ANO3: variants seen among roughly 807,000 people sequenced by gnomAD.
ANO3 encodes anoctamin 3.
ANO3 carries 99 observed loss-of-function variants against 144.8 expected under a neutral mutation model. The observed-to-expected ratio is 0.68, with a 90% CI of 0.58 to 0.81. The LOEUF is 0.81. ANO3 is among the 30% of genes least tolerant of loss of function. ANO3 has a pLI of 0.00. For missense variants in ANO3, 905 were observed against 1,202.2 expected, an observed-to-expected ratio of 0.75 and a Z score of 3.66; for synonymous variants, 414 against 392.6, an observed-to-expected ratio of 1.05 and a Z score of -0.64.
intron 4 of ANO3, among the ~76,000 whole-genome samples, chr11:26,476,932 T>TGTGTGTGAGA (rs1334120290): frequency 1.5e-5 from 2 of 133,958 alleles, no homozygotes; most frequent in African/African-American, 2.9e-5. Context: ...TGTGTGTGTG[T>TGTGTGTGAGA]GAGAGAGAGA....
intron 1 of ANO3, among the ~76,000 whole-genome samples, chr11:26,216,316 C>T (rs773440357): frequency 6.6e-6 from 1 of 151,830 alleles, no homozygotes; most frequent in Non-Finnish European, 1.5e-5. Flanking sequence ...ATTAATTAAC[C>T]TCCCTCCTCC....
chr11:26,264,844 C>T (rs111772011), intron 1 of ANO3, among the ~76,000 whole-genome samples: 1,909 of 151,866 alleles, frequency 0.013, 37 homozygotes, highest in African/African-American at 0.044. Flanking sequence ...TGACTTTATT[C>T]CATGTAATTA....
chr11:26,599,012 A>G lies in ANO3; in HGVS notation c.1671+14A>G. 1 of 1,610,282 alleles carries G rather than the reference A, an allele frequency of 6.2e-7. No individual in the cohort carries two copies. Among genetic ancestry groups the G allele is most frequent in the South Asian group, 1.1e-5 (1 of 89,956 alleles). Reference sequence around the variant, plus strand: ...ATATTCTTCATGGTAAAGTATAGGCATCGATATCAAAATGTTTTGGGATTC... The same window carrying G: ...ATATTCTTCATGGTAAAGTATAGGCGTCGATATCAAAATGTTTTGGGATTC... On this transcript the variant is annotated intron_variant, in intron 16 of 26. Transcript: ENST00000256737.
intron 17 of ANO3, among the ~76,000 whole-genome samples, chr11:26,609,664 A>T (rs761633137): frequency 2.6e-5 from 4 of 151,934 alleles, no homozygotes; most frequent in African/African-American, 9.7e-5. Flanking sequence ...TGTTGATTCC[A>T]TATCTTCACT....
At chr11:26,592,874 T>C (rs1326377126) in intron 14 of ANO3, among the ~76,000 whole-genome samples, 1 of 152,240 alleles carries the variant, frequency 6.6e-6, no homozygotes, top group African/African-American at 2.4e-5. Context: ...GAGGAAACTA[T>C]GTCCTCTCGT....
intron 17 of ANO3, among the ~76,000 whole-genome samples, chr11:26,620,667 T>C (rs11606202): frequency 0.15 from 23,129 of 152,168 alleles, 2,052 homozygotes; most frequent in East Asian, 0.33. Flanking sequence ...ATGTAGGTTC[T>C]GGACTTTTCT....
At chr11:26,382,004 T>C (rs990829750) in intron 1 of ANO3, among the ~76,000 whole-genome samples, 1 of 152,226 alleles carries the variant, frequency 6.6e-6, no homozygotes, top group African/African-American at 2.4e-5. Context: ...TCTGAATTTT[T>C]ATTAATACAT....
chr11:26,310,465 C>T (rs973825220), intron 1 of ANO3, among the ~76,000 whole-genome samples: 1 of 152,158 alleles, frequency 6.6e-6, no homozygotes, highest in Non-Finnish European at 1.5e-5. Context: ...AGAATTTTTT[C>T]ATAGAAGAGT....
Position 26,229,810 on chromosome 11 carries a change from G to T in ANO3, c.154+40480G>T, listed in dbSNP as rs115606945. Among the ~76,000 whole-genome samples, 773 of 152,166 alleles carry T rather than the reference G, an allele frequency of 5.1e-3. 6 individuals are homozygous for T. Among genetic ancestry groups the T allele is most frequent in the African/African-American group, 0.016 (669 of 41,534 alleles). On this transcript the variant is annotated intron_variant, in intron 1 of 27. Transcript: ENST00000672621. Reference sequence around the variant, plus strand: ...CATCCAATTACCCACTATTCAAATTGTTATATAAACAATATATGTACCTGG... The same window carrying T: ...CATCCAATTACCCACTATTCAAATTTTTATATAAACAATATATGTACCTGG...
In ANO3 at chr11:26,643,220, T is replaced by C; in HGVS notation, c.2314T>C (p.Phe772Leu). The C allele has an allele frequency of 6.2e-7, 1 of 1,614,196 alleles. No homozygotes were observed. The highest frequency in any genetic ancestry group is 8.5e-7 in the Non-Finnish European group (1 of 1,180,018). The part of the protein sequence containing the change: ...FGFTTIFVAA[F>L]PLAPLLALLN... ...TTTTACCACCATCTTTGTTGCGGCT[T>C]TTCCTCTAGCCCCTCTTTTGGCTTT... is the stretch of plus-strand genomic sequence containing the variant. The change falls in exon 23 of 27, where the codon TTT becomes CTT. Residue 772 changes from phenylalanine (F) to leucine (L), a missense_variant. Phe to Leu is a conservative substitution (Grantham distance 22). Transcript: ENST00000256737.
intron 17 of ANO3, among the ~76,000 whole-genome samples, chr11:26,615,414 A>ATATATATATATATATATATATATAT (rs1352935016): frequency 7.7e-6 from 1 of 130,700 alleles, no homozygotes; most frequent in African/African-American, 3.0e-5. Flanking sequence ...ATATATATAT[A>ATATATATATATATATATATATATAT]TTTTTTTTTT....
intron 1 of ANO3, among the ~76,000 whole-genome samples, chr11:26,244,899 C>T (rs1030152902): frequency 4.0e-5 from 6 of 151,880 alleles, no homozygotes; most frequent in Non-Finnish European, 8.8e-5. Flanking sequence ...TCCAGGCACA[C>T]TCAAGGATCA....
intron 1 of ANO3, among the ~76,000 whole-genome samples, chr11:26,222,784 T>A (rs1852174958): frequency 6.6e-6 from 1 of 152,216 alleles, no homozygotes; most frequent in Non-Finnish European, 1.5e-5. Context: ...GAACTGAGGC[T>A]AGAGCTGGAA....
At chr11:26,461,584 A>G (rs142575612) in intron 3 of ANO3, among the ~76,000 whole-genome samples, 1 of 152,114 alleles carries the variant, frequency 6.6e-6, no homozygotes, top group African/African-American at 2.4e-5. Flanking sequence ...TGCCACTCTA[A>G]TGTCAACTTG....
intron 1 of ANO3, among the ~76,000 whole-genome samples, chr11:26,345,957 C>T (rs1054819262): frequency 1.1e-4 from 16 of 152,256 alleles, no homozygotes; most frequent in South Asian, 4.1e-4. Flanking sequence ...GGCTGTATAA[C>T]TTGTTTTCAT....
chr11:26,209,063 G>A (rs1356622646), intron 1 of ANO3, among the ~76,000 whole-genome samples: 1 of 152,114 alleles, frequency 6.6e-6, no homozygotes, highest in African/African-American at 2.4e-5. Flanking sequence ...TGTTACATAG[G>A]TATACACGTG....
chr11:26,564,722 CACACACACACATATATATAT>C (rs1303926224), intron 14 of ANO3, among the ~76,000 whole-genome samples: 64 of 66,938 alleles, frequency 9.6e-4, no homozygotes, highest in Non-Finnish European at 1.2e-3. Context: ...CACACACACA[CACACACACACATATATATAT>C]ATATATATAT....
At position 26,656,106 on chromosome 11, in the gene ANO3, T is replaced by C. The variant is rs1439038147; in HGVS notation, c.2577-19T>C. On this transcript the variant is annotated intron_variant, in intron 24 of 26. Transcript: ENST00000256737. ...ACGTATGAATCTTTGAATCACATGA[T>C]ATTTTTCTTTTCTCCCAGTTGCTTG... 6 of 1,576,146 alleles carry C rather than the reference T, an allele frequency of 3.8e-6. No homozygotes were observed. In the South Asian group the frequency reaches 4.5e-5, roughly 12 times the overall value.
At chr11:26,638,251 A>G (rs1853030162) in intron 20 of ANO3, among the ~76,000 whole-genome samples, 3 of 151,750 alleles carry the variant, frequency 2.0e-5, no homozygotes, top group South Asian at 2.1e-4. Context: ...TTTCCAGTGG[A>G]AAAAAAAATT....
Sources: allele counts gnomAD v4.1 joint callset (sites outside exome capture counted in the v4.1 genomes callset), GRCh38; gene constraint gnomAD v4.1.1; transcripts MANE v1.5; gene names NCBI Gene and HGNC (gene_info 2026-07-23, HGNC 2026-07-21).